The following POU2AF3 variants were observed in gnomAD, a reference collection of about 807,000 sequenced individuals.
POU2AF3 encodes the protein POU class 2 homeobox associating factor 3, also known as cancer susceptibility candidate 13.
the POU2AF3 span, chr11:111,307,998 C>G: frequency 5.5e-5 from 76 of 1,394,268 alleles, 1 homozygote; most frequent in Non-Finnish European, 7.1e-5. Flanking sequence ...CATTGGTAAA[C>G]CCACACTGTT....
chr11:111,298,824 A>AGGCGGGGGGGGGG, the POU2AF3 span: 1 of 903,144 alleles, frequency 1.1e-6, no homozygotes, highest in Non-Finnish European at 1.4e-6. Context: ...CGCGTACCCC[A>AGGCGGGGGGGGGG]GGCCCCCGCC....
chr11:111,299,209 T>C, the POU2AF3 span: 1 of 977,306 alleles, frequency 1.0e-6, no homozygotes, highest in Non-Finnish European at 1.2e-6. Flanking sequence ...GCTGTCCAGC[T>C]GCGGTCCCCG....
the POU2AF3 span, among the ~76,000 whole-genome samples, chr11:111,307,764 G>A: frequency 6.6e-6 from 1 of 152,228 alleles, no homozygotes; most frequent in Non-Finnish European, 1.5e-5. Flanking sequence ...CAGGTGACTT[G>A]AAGCACAATG....
At chr11:111,304,906 G>C in the POU2AF3 span, 1 of 1,227,496 alleles carries the variant, frequency 8.1e-7, no homozygotes, top group Non-Finnish European at 1.0e-6. Context: ...CCTGCTTCAC[G>C]GTGATATTCT....
chr11:111,298,826 G>GCGGGCC, the POU2AF3 span: 24 of 790,960 alleles, frequency 3.0e-5, no homozygotes, highest in Non-Finnish European at 3.9e-5. Context: ...CGTACCCCAG[G>GCGGGCC]CCCCCGCCCG....
the POU2AF3 span, among the ~76,000 whole-genome samples, chr11:111,305,754 A>G: frequency 6.6e-6 from 1 of 152,252 alleles, no homozygotes; most frequent in Non-Finnish European, 1.5e-5. Context: ...ATGTTTAACA[A>G]CTTACTTTGA....
the POU2AF3 span, chr11:111,299,117 C>A: frequency 1.5e-5 from 14 of 964,068 alleles, no homozygotes; most frequent in African/African-American, 1.8e-5. Context: ...GCACGGGATT[C>A]CCTGGGTCCG....
chr11:111,298,828 C>CGGGGCCG, the POU2AF3 span: 1 of 411,066 alleles, frequency 2.4e-6, no homozygotes, highest in Non-Finnish European at 4.1e-6. Context: ...TACCCCAGGC[C>CGGGGCCG]CCCGCCCGCC....
chr11:111,299,038 G>C, the POU2AF3 span: 3 of 991,124 alleles, frequency 3.0e-6, no homozygotes, highest in Non-Finnish European at 3.6e-6. Context: ...GCCGATCGGG[G>C]AACGGGGTGG....
the POU2AF3 span, among the ~76,000 whole-genome samples, chr11:111,301,043 C>T: frequency 6.6e-6 from 1 of 152,138 alleles, no homozygotes; most frequent in Non-Finnish European, 1.5e-5. Flanking sequence ...TGTGGAACAT[C>T]CTCCCTTCCC....
the POU2AF3 span, chr11:111,300,291 G>A: frequency 3.1e-6 from 1 of 326,038 alleles, no homozygotes; most frequent in Admixed American, 4.9e-5. Context: ...GGGGTGGATG[G>A]CCCCACAAAT....
the POU2AF3 span, chr11:111,308,442 A>T: frequency 6.5e-7 from 1 of 1,537,454 alleles, no homozygotes. Flanking sequence ...AGTTAATAGA[A>T]ATTACAGTAA....
chr11:111,300,937 G>C, the POU2AF3 span, among the ~76,000 whole-genome samples: 1 of 152,212 alleles, frequency 6.6e-6, no homozygotes, highest in Non-Finnish European at 1.5e-5. Context: ...GTTTTGTTAG[G>C]AAGACAGTGG....
the POU2AF3 span, chr11:111,306,372 GC>G: frequency 7.3e-7 from 1 of 1,364,422 alleles, no homozygotes; most frequent in Non-Finnish European, 9.6e-7. Context: ...GCAAAAACCT[GC>G]CTTTTTCCTT....
chr11:111,303,861 A>G, the POU2AF3 span, among the ~76,000 whole-genome samples: 3 of 151,586 alleles, frequency 2.0e-5, no homozygotes, highest in Admixed American at 6.6e-5. Flanking sequence ...CAATACGGGT[A>G]CCTTTAAACT....
At chr11:111,300,604 G>T in the POU2AF3 span, 1 of 1,231,920 alleles carries the variant, frequency 8.1e-7, no homozygotes, top group Non-Finnish European at 1.0e-6. Flanking sequence ...GGCACACCAG[G>T]CGGCCTCCGG....
chr11:111,300,027 G>C, the POU2AF3 span: 3 of 396,702 alleles, frequency 7.6e-6, no homozygotes, highest in African/African-American at 2.1e-5. Context: ...GGCGGAGAAG[G>C]AAGGGACTCG....
chr11:111,308,545 T>A, the POU2AF3 span: 1 of 1,191,640 alleles, frequency 8.4e-7, no homozygotes, highest in Non-Finnish European at 1.1e-6. Flanking sequence ...CCAAGCACAG[T>A]TTACATGTCA....
chr11:111,298,830 C>A, the POU2AF3 span: 1 of 403,098 alleles, frequency 2.5e-6, no homozygotes, highest in Non-Finnish European at 4.1e-6. Flanking sequence ...CCCCAGGCCC[C>A]CGCCCGCCCT....
Sources: allele counts gnomAD v4.1 joint callset (sites outside exome capture counted in the v4.1 genomes callset), GRCh38; gene constraint gnomAD v4.1.1; transcripts MANE v1.5; gene names NCBI Gene and HGNC (gene_info 2026-07-23, HGNC 2026-07-21).